The following ANKAR variants were observed in gnomAD, a reference collection of about 807,000 sequenced individuals.
The protein encoded by ANKAR is ankyrin and armadillo repeat containing.
ANKAR carries 136 observed loss-of-function variants against 146.2 expected under a neutral mutation model. The observed-to-expected ratio is 0.93, with a 90% CI of 0.81 to 1.07. The LOEUF (loss-of-function observed/expected upper bound fraction) is 1.07. Among genes scored for constraint, ANKAR ranks in the 50% least tolerant of loss-of-function variants. The pLI is 0.00. For missense variants in ANKAR, 1,567 were observed against 1,679.9 expected (o/e 0.93, Z 1.18); for synonymous variants, 500 against 575.8 (o/e 0.87, Z 1.88).
chr2:189,740,193 C>CCTT (rs568955195), intron 19 of ANKAR, among the ~76,000 whole-genome samples: 21 of 152,238 alleles, frequency 1.4e-4, no homozygotes, highest in African/African-American at 5.1e-4. Context: ...CGGAGTTCCT[C>CCTT]CTTCTACTCC....
chr2:189,717,186 A>T (rs1177100625), intron 10 of ANKAR, among the ~76,000 whole-genome samples: 1 of 152,210 alleles, frequency 6.6e-6, no homozygotes, highest in Non-Finnish European at 1.5e-5. Flanking sequence ...TTTGCAATCT[A>T]CCCATCTGAC....
At chr2:189,761,655 T>C, downstream of ANKAR, 2 of 1,531,654 alleles carry the variant, frequency 1.3e-6, no homozygotes, top group Non-Finnish European at 8.7e-7. Context: ...ACTCTATAGA[T>C]AATTCCTGAA....
chr2:189,742,841 CACACACACACATTAGAATTACCTG>C (rs1308813108), intron 20 of ANKAR, among the ~76,000 whole-genome samples: 9 of 35,218 alleles, frequency 2.6e-4, no homozygotes, highest in Non-Finnish European at 3.0e-4. Context: ...CTGACACACA[CACACACACACATTAGAATTACCTG>C]ACACACACAC....
rs149573986 is a variant in ANKAR at position 189,741,054 on chromosome 2, T to C, written c.3701-288T>C. Among the ~76,000 whole-genome samples, 1,127 of 152,298 alleles carry C rather than the reference T, an allele frequency of 7.4e-3. 30 individuals carry two copies. Among genetic ancestry groups the C allele is most frequent in the Admixed American group, 0.054 (833 of 15,286 alleles). Reference sequence around the variant, plus strand: ...TAGTTATTTTTAAAACCCTAAAAACTTCAAAACAAAATATATTCTGAAGAT... The same window carrying C: ...TAGTTATTTTTAAAACCCTAAAAACCTCAAAACAAAATATATTCTGAAGAT... On this transcript the variant is annotated intron_variant, in intron 19 of 22. Transcript: ENST00000684021.
chr2:189,708,095 A>G (rs539141987), intron 9 of ANKAR, among the ~76,000 whole-genome samples: 1 of 152,314 alleles, frequency 6.6e-6, no homozygotes, highest in East Asian at 1.9e-4. Flanking sequence ...ATTTCAAGGA[A>G]GACAGCAAGG....
intron 16 of ANKAR, 123 bp from the exon 17 acceptor site, chr2:189,732,984 A>C: frequency 1.1e-6 from 1 of 926,796 alleles, no homozygotes; most frequent in Non-Finnish European, 1.5e-6. Context: ...GAATCAATGG[A>C]TTATATTTTA....
intron 21 of ANKAR, among the ~76,000 whole-genome samples, 191 bp downstream of exon 21, chr2:189,743,665 G>A (rs2043674534): frequency 6.6e-6 from 1 of 152,156 alleles, no homozygotes; most frequent in African/African-American, 2.4e-5. Flanking sequence ...AGAGTTGTGG[G>A]TGCAGACAAG....
downstream of ANKAR, among the ~76,000 whole-genome samples, chr2:189,748,967 C>T (rs1282467833): frequency 2.0e-5 from 3 of 152,112 alleles, no homozygotes; most frequent in Non-Finnish European, 4.4e-5. Context: ...TTTTTATTGG[C>T]TGGGCATGAT....
intron 18 of ANKAR, chr2:189,753,918 G>C (rs1259436183): frequency 2.5e-6 from 4 of 1,613,150 alleles, no homozygotes; most frequent in Non-Finnish European, 3.4e-6. Flanking sequence ...AAACTTACCA[G>C]TACTGCATTA....
intron 18 of ANKAR, chr2:189,754,034 G>A (rs779048476): frequency 6.2e-7 from 1 of 1,613,382 alleles, no homozygotes; most frequent in Middle Eastern, 1.6e-4. Flanking sequence ...AATGTCTGCT[G>A]CTGAAGACAG....
At position 189,705,134 on chromosome 2, in the gene ANKAR, T is replaced by C. The variant is rs1278037405; in HGVS notation, c.1820T>C (p.Ile607Thr). The C allele has an allele frequency of 6.2e-7, 1 of 1,614,190 alleles. No homozygotes were observed. Among genetic ancestry groups the C allele is most frequent in the Non-Finnish European group, 8.5e-7 (1 of 1,180,016 alleles). ...TCTGAAAAAAGAGGCTGGATGCCGA[T>C]TCACTTTGCCGCTTTCTATGACAAC... ...TLSEKRGWMP[I>T]HFAAFYDNVC... Residue 607 changes from isoleucine (I) to threonine (T), a missense_variant, in exon 8 of 23, where the codon ATT (isoleucine) becomes ACT (threonine). Transcript: ENST00000684021.
At chr2:189,753,030 A>C (rs567023910) in intron 18 of ANKAR, 2 of 1,494,378 alleles carry the variant, frequency 1.3e-6, no homozygotes, top group African/African-American at 2.8e-5. Context: ...ATATGAACCA[A>C]GCTGCTAATT....
intron 19 of ANKAR, among the ~76,000 whole-genome samples, chr2:189,741,046 C>A (rs2043288556): frequency 6.6e-6 from 1 of 152,076 alleles, no homozygotes; most frequent in Non-Finnish European, 1.5e-5. Context: ...TTTTAAAACC[C>A]TAAAAACTTC....
At chr2:189,700,515 C>T (rs900123466) in intron 7 of ANKAR, among the ~76,000 whole-genome samples, 2 of 152,200 alleles carry the variant, frequency 1.3e-5, no homozygotes, top group East Asian at 1.9e-4. Context: ...TCCATCACCT[C>T]AAGCATTTAT....
At chr2:189,756,006 C>T (rs2046023886) in intron 18 of ANKAR, among the ~76,000 whole-genome samples, 1 of 152,060 alleles carries the variant, frequency 6.6e-6, no homozygotes, top group Admixed American at 6.5e-5. Flanking sequence ...GACAGAGAAC[C>T]TTAAGAACTA....
intron 7 of ANKAR, among the ~76,000 whole-genome samples, chr2:189,698,314 CT>C (rs1467603370): frequency 2.6e-5 from 4 of 151,720 alleles, no homozygotes; most frequent in East Asian, 3.9e-4. Context: ...GGAGTTTTCT[CT>C]TTTTTTCCTG....
intron 2 of ANKAR, among the ~76,000 whole-genome samples, chr2:189,681,806 A>G (rs765008245): frequency 1.3e-5 from 2 of 152,180 alleles, no homozygotes; most frequent in African/African-American, 4.8e-5. Flanking sequence ...TATTTTAACA[A>G]TGTGGTGTTA....
At chr2:189,709,142 A>G (rs56244248) in intron 9 of ANKAR, among the ~76,000 whole-genome samples, 1,640 of 151,708 alleles carry the variant, frequency 0.011, 31 homozygotes, top group African/African-American at 0.038. Context: ...TACCTGTTTA[A>G]AAAAAAAGAG....
Position 189,736,502 on chromosome 2 carries a change from T to TTTTTTTGTGTGTGTG in ANKAR, c.3424-1180_3424-1179insTTTTTGTGTGTGTGT, listed in dbSNP as rs1422561376. 4.9e-5 allele frequency among the ~76,000 whole-genome samples: 7 copies of TTTTTTTGTGTGTGTG among 142,066 alleles called. 1 individual carries two copies. Among genetic ancestry groups the TTTTTTTGTGTGTGTG allele is most frequent in the African/African-American group, 1.8e-4 (7 of 39,132 alleles). 93.2% of individuals were successfully genotyped at this position (142,066 alleles called of 152,430 possible). ...TTTTGCCTATTTAGGTGACTGGGTT[T>TTTTTTTGTGTGTGTG]TGTGTGTGTGTGTGTGTGTGTGTGT... On this transcript the variant is annotated intron_variant, in intron 17 of 22. Coordinates refer to ENST00000684021, the MANE Select transcript of ANKAR (RefSeq NM_001378068.1).
Sources: allele counts gnomAD v4.1 joint callset (sites outside exome capture counted in the v4.1 genomes callset), GRCh38; gene constraint gnomAD v4.1.1; transcripts MANE v1.5; gene names NCBI Gene and HGNC (gene_info 2026-07-23, HGNC 2026-07-21).